Variants in RARS1 observed in about 807,000 individuals in gnomAD.
The protein encoded by RARS1 is arginyl-tRNA synthetase 1, also known as arginine--tRNA ligase, cytoplasmic.
In RARS1, 75 loss-of-function variants were observed where a neutral mutation model predicts 78.7. That is an observed-to-expected ratio of 0.95 (90% CI 0.79 to 1.15). The LOEUF (loss-of-function observed/expected upper bound fraction) is 1.15. RARS1 is among the 50% of genes most tolerant of loss of function. RARS1 has a pLI of 0.00. For synonymous variants in RARS1, 273 were observed against 268.2 expected (o/e 1.02, Z -0.18); for missense variants, 787 against 787.5 (o/e 1.00, Z 0.01).
At chr5:168,495,060 G>T in intron 5 of RARS1, 1 of 492,180 alleles carries the variant, frequency 2.0e-6, no homozygotes, top group Non-Finnish European at 3.1e-6. Flanking sequence ...TTGATACACA[G>T]ATATCACTGA....
chr5:168,516,778 G>T lies in RARS1; in HGVS notation c.1453G>T (p.Val485Phe). ...AAATACTGTTTTGTTTTTCCCAAAG[G>T]TCTTAACTGCAGAGGAATTGAATGC... ...DKLKEKERDK[V>F]LTAEELNAAQ... The change falls in exon 13 of 15, where the codon GTC becomes TTC. Residue 485 changes from valine (V) to phenylalanine (F), a missense_variant and splice_region_variant. By Grantham distance (50) the Val-to-Phe change is conservative. Coordinates refer to ENST00000231572, the MANE Select transcript of RARS1 (RefSeq NM_002887.4). 6.2e-7 allele frequency: 1 copy of T among 1,614,030 alleles called. No homozygotes were observed. The highest frequency in any genetic ancestry group is 2.2e-5 in the East Asian group (1 of 44,870).
At chr5:168,507,358 A>G (rs1037745364) in intron 11 of RARS1, among the ~76,000 whole-genome samples, 1 of 152,178 alleles carries the variant, frequency 6.6e-6, no homozygotes, top group African/African-American at 2.4e-5. Context: ...TATATTCTCA[A>G]TATTTATAAA....
intron 5 of RARS1, chr5:168,494,953 T>G (rs1043325877): frequency 3.0e-6 from 1 of 335,304 alleles, no homozygotes. Context: ...CATTTGAGAT[T>G]ATGAACATTT....
intron 10 of RARS1, 73 bp from the exon 11 acceptor site, chr5:168,506,649 A>G: frequency 8.5e-7 from 1 of 1,172,456 alleles, no homozygotes; most frequent in Non-Finnish European, 1.2e-6. Context: ...ATCTATTCCT[A>G]AGCAAAAGAG....
chr5:168,491,366 C>A (rs1758079657), intron 2 of RARS1, among the ~76,000 whole-genome samples: 1 of 152,104 alleles, frequency 6.6e-6, no homozygotes, highest in South Asian at 2.1e-4. Flanking sequence ...GTCTGTTACC[C>A]CCAACAAAGA....
Position 168,510,683 on chromosome 5 carries a change from C to T in RARS1, c.1449C>T (p.Asp483=). ...SMDKLKEKER[D]KVLTAEELNA... ...ACAAGTTGAAGGAAAAAGAAAGAGA[C>T]AAGGTAATTCAAAGCCTTATAGGCA... Residue 483 remains aspartate (D), a synonymous_variant, in exon 12 of 15, where the codon GAC becomes GAT. Transcript: ENST00000231572. 6.3e-7 allele frequency: 1 copy of T among 1,591,390 alleles called. No homozygotes were observed. Among genetic ancestry groups the T allele is most frequent in the African/African-American group, 1.4e-5 (1 of 73,680 alleles).
intron 5 of RARS1, 118 bp from the exon 6 acceptor site, chr5:168,495,197 A>T (rs1758159035): frequency 7.0e-7 from 1 of 1,432,820 alleles, no homozygotes; most frequent in Non-Finnish European, 9.2e-7. Context: ...TGAGTTTGTT[A>T]TTAAATGTGT....
chr5:168,503,320 G>T lies in RARS1; in HGVS notation c.1057+1215G>T, dbSNP rs562571173. Among the ~76,000 whole-genome samples the T allele has an allele frequency of 4.6e-5, 7 of 152,308 alleles. No individual in the cohort carries two copies. The South Asian group carries it at 1.0e-3, about 23-fold the overall frequency. Reference sequence around the variant, plus strand: ...CATTCTTTCTCCATTTGTTACTTGGGATTCTCTTATGCTGAACTTTGTTAC... The same window carrying T: ...CATTCTTTCTCCATTTGTTACTTGGTATTCTCTTATGCTGAACTTTGTTAC... On this transcript the variant is annotated intron_variant, in intron 9 of 14. Transcript: ENST00000231572.
chr5:168,514,964 C>T (rs1336277818), intron 12 of RARS1, among the ~76,000 whole-genome samples: 1 of 152,110 alleles, frequency 6.6e-6, no homozygotes, highest in African/African-American at 2.4e-5. Context: ...CCAGGTTATA[C>T]AGTCTTATAA....
intron 11 of RARS1, among the ~76,000 whole-genome samples, chr5:168,508,841 G>A (rs971925878): frequency 3.3e-5 from 5 of 152,002 alleles, no homozygotes; most frequent in Non-Finnish European, 7.4e-5. Context: ...GCTCCACAAT[G>A]TGTATATGCA....
Position 168,513,804 on chromosome 5 carries a change from A to G in RARS1, c.1453-2974A>G, listed in dbSNP as rs1031998520. 5.9e-5 allele frequency among the ~76,000 whole-genome samples: 9 copies of G among 152,206 alleles called. No individual in the cohort carries two copies. In the South Asian group the frequency reaches 8.3e-4, roughly 14 times the overall value. On this transcript the variant is annotated intron_variant, in intron 12 of 14. Coordinates refer to ENST00000231572, the MANE Select transcript of RARS1 (RefSeq NM_002887.4). Reference sequence around the variant, plus strand: ...TGATTCCACCTGGGATTATTTTTCCACAATCTGAAGGTCTTTATTTTTTTA... The same window carrying G: ...TGATTCCACCTGGGATTATTTTTCCGCAATCTGAAGGTCTTTATTTTTTTA...
chr5:168,493,803 G>A (rs778499423), intron 3 of RARS1, 91 bp from the exon 4 acceptor site: 22 of 954,900 alleles, frequency 2.3e-5, no homozygotes, highest in Middle Eastern at 4.4e-4. Flanking sequence ...GGTTCTTAAC[G>A]TAAAATGCAT....
chr5:168,491,921 T>C (rs244898), intron 2 of RARS1, among the ~76,000 whole-genome samples: 89,316 of 148,772 alleles, frequency 0.6, 27,280 homozygotes, highest in East Asian at 0.78. Context: ...GTTTATCTTC[T>C]ATTAAAAGCA....
At chr5:168,497,488 T>G (rs1758221758) in intron 7 of RARS1, 140 bp downstream of exon 7, 1 of 617,856 alleles carries the variant, frequency 1.6e-6, no homozygotes, top group East Asian at 3.3e-5. Flanking sequence ...AATACATGTC[T>G]CTGTATAAAT....
chr5:168,516,720 C>T, intron 12 of RARS1, 58 bp from the exon 13 acceptor site: 1 of 1,556,236 alleles, frequency 6.4e-7, no homozygotes, highest in Non-Finnish European at 8.8e-7. Flanking sequence ...GCCTATGAGA[C>T]ACCAGGGCAG....
At chr5:168,488,176 G>T in intron 1 of RARS1, 1 of 379,790 alleles carries the variant, frequency 2.6e-6, no homozygotes. Flanking sequence ...CAAGCAGACT[G>T]GAGTGCAGTG....
intron 2 of RARS1, 58 bp downstream of exon 2, chr5:168,488,794 AGCCTTT>A: frequency 6.7e-7 from 1 of 1,496,576 alleles, no homozygotes; most frequent in East Asian, 2.3e-5. Flanking sequence ...GCTTTTTTAA[AGCCTTT>A]GTTACCAAAG....
intron 1 of RARS1, 31 bp from the exon 2 acceptor site, chr5:168,488,571 T>C: frequency 6.3e-7 from 1 of 1,589,320 alleles, no homozygotes; most frequent in Non-Finnish European, 8.5e-7. Context: ...AGTAAGTTTA[T>C]GGACTGAAAA....
At chr5:168,491,270 G>A (rs932635903) in intron 2 of RARS1, among the ~76,000 whole-genome samples, 3 of 152,248 alleles carry the variant, frequency 2.0e-5, no homozygotes, top group African/African-American at 7.2e-5. Flanking sequence ...CAAGGCAGGA[G>A]GATGTCTTGA....
Sources: gnomAD v4.1 joint callset for allele counts (sites outside exome capture counted in the v4.1 genomes callset) on GRCh38, gnomAD v4.1.1 for gene constraint, MANE v1.5 for transcripts, NCBI Gene and HGNC (gene_info 2026-07-23, HGNC 2026-07-21) for gene names.